LHCGR: variants seen among roughly 807,000 people sequenced by gnomAD.
The protein encoded by LHCGR is lutropin-choriogonadotropic hormone receptor.
LHCGR carries 55 observed loss-of-function variants against 60.7 expected under a neutral mutation model. That is an observed-to-expected ratio of 0.91 (90% confidence interval 0.73 to 1.13). The LOEUF (loss-of-function observed/expected upper bound fraction) is 1.13, where lower values mean the gene tolerates loss of function less well. Among genes scored for constraint, LHCGR ranks in the 50% most tolerant of loss-of-function variants. The probability of loss-of-function intolerance (pLI) is 0.00; values close to 1 mark genes in which losing one functional copy is unlikely to be tolerated. For missense variants in LHCGR, 862 were observed against 836.0 expected, an observed-to-expected ratio of 1.03 and a Z score of -0.38; for synonymous variants, 337 against 316.5, an observed-to-expected ratio of 1.06 and a Z score of -0.69.
Position 48,709,028 on chromosome 2 carries a change from G to C in LHCGR, c.606-6C>G. 2 of 1,612,952 alleles carry C rather than the reference G, an allele frequency of 1.2e-6. No homozygotes were observed. The highest frequency in any genetic ancestry group is 2.2e-5 in the South Asian group (2 of 91,058). ...GTACGTTTTCCTTTAGCTCCCTGTG[G>C]GGAAGGATATTGCCCTTAGTGGAGT... On this transcript the variant is annotated splice_region_variant and splice_polypyrimidine_tract_variant and intron_variant, in intron 7 of 10. Transcript: ENST00000294954.
chr2:48,725,863 A>T, intron 3 of LHCGR, 113 bp from the exon 4 acceptor site: 23 of 825,996 alleles, frequency 2.8e-5, no homozygotes, highest in Admixed American at 5.4e-5. Flanking sequence ...CAGCAAAAGC[A>T]GGCGACCTTC....
intron 8 of LHCGR, among the ~76,000 whole-genome samples, chr2:48,706,798 T>C (rs1667704511): frequency 6.6e-6 from 1 of 152,200 alleles, no homozygotes; most frequent in African/African-American, 2.4e-5. Context: ...CCTAACCTTT[T>C]TTCATGGTTT....
Position 48,723,713 on chromosome 2 carries a change from G to C in LHCGR, c.384-17C>G. The stretch of plus-strand genomic sequence containing the variant: ...CAGATGCTCCTGTGATTAGGGACAG[G>C]ATAGTGGTGTGGGCAGAGAGTGGGT... On this transcript the variant is annotated splice_polypyrimidine_tract_variant and intron_variant, in intron 4 of 10. Coordinates refer to ENST00000294954, the MANE Select transcript of LHCGR (RefSeq NM_000233.4). 1.3e-6 allele frequency: 2 copies of C among 1,593,072 alleles called. No homozygotes were observed. Among genetic ancestry groups the C allele is most frequent in the Non-Finnish European group, 1.7e-6 (2 of 1,160,922 alleles).
chr2:48,706,159 A>AG (rs1475302531), intron 8 of LHCGR, among the ~76,000 whole-genome samples: 2 of 152,152 alleles, frequency 1.3e-5, no homozygotes, highest in African/African-American at 4.8e-5. Flanking sequence ...AAGAAGCTTA[A>AG]TTTGGCTGGA....
intron 1 of LHCGR, 97 bp from the exon 2 acceptor site, chr2:48,731,395 CAG>C (rs1409639009): frequency 2.6e-6 from 2 of 773,838 alleles, no homozygotes; most frequent in Non-Finnish European, 4.5e-6. Context: ...GTGTGAGAGA[CAG>C]AGACTTCAGA....
chr2:48,707,876 T>C (rs1352467394), intron 8 of LHCGR, among the ~76,000 whole-genome samples: 2 of 152,152 alleles, frequency 1.3e-5, no homozygotes, highest in East Asian at 3.9e-4. Flanking sequence ...GTGAAGACCA[T>C]GGGAAAAGCA....
intron 9 of LHCGR, among the ~76,000 whole-genome samples, chr2:48,695,978 T>TCATATTTTA (rs2104385319): frequency 6.6e-6 from 1 of 152,072 alleles, no homozygotes; most frequent in South Asian, 2.1e-4. Context: ...TGTAACAAAC[T>TCATATTTTA]GGTACATGTA....
At chr2:48,696,853 G>C (rs1667139262) in intron 9 of LHCGR, among the ~76,000 whole-genome samples, 1 of 152,176 alleles carries the variant, frequency 6.6e-6, no homozygotes, top group South Asian at 2.1e-4. Context: ...GAAGGGGTGT[G>C]ATTTCTTTGC....
Position 48,729,308 on chromosome 2 carries a change from G to C in LHCGR, c.234-81C>G, listed in dbSNP as rs1037051055. On this transcript the variant is annotated intron_variant, in intron 2 of 10. Transcript: ENST00000294954. Reference sequence around the variant, plus strand: ...CTGCATGATTATGAGCTATGTGTGTGACCCAACAACTGGGGACACCACTGT... The same window carrying C: ...CTGCATGATTATGAGCTATGTGTGTCACCCAACAACTGGGGACACCACTGT... The C allele has an allele frequency of 1.7e-5, 18 of 1,087,140 alleles. No homozygotes were observed. The African/African-American group carries it at 2.0e-4, about 12-fold the overall frequency. 67.3% of individuals were successfully genotyped at this position (1,087,140 alleles called of 1,614,324 possible). A position where few individuals can be genotyped will look rare whatever the true frequency, so the allele number is the denominator to read the frequency against.
Position 48,688,564 on chromosome 2 carries a change from A to G in LHCGR, c.1233T>C (p.Tyr411=). The G allele has an allele frequency of 1.2e-6, 2 of 1,614,206 alleles. No individual in the cohort carries two copies. The highest frequency in any genetic ancestry group is 1.6e-4 in the Middle Eastern group (1 of 6,062). The change falls in exon 11 of 11, where the codon TAT becomes TAC. Residue 411 remains tyrosine, a synonymous_variant. Transcript: ENST00000294954. This position sits in a 1 kb window ranked among gnomAD's most constrained non-coding sequence, Gnocchi z 5.2. ...LSFADFCMGL[Y]LLLIASVDSQ... ...AATCAACTGAGGCTATGAGCAGCAGATAGAGCCCCATGCAAAAGTCTGCAA... is the reference window on the plus strand; with the variant it reads ...AATCAACTGAGGCTATGAGCAGCAGGTAGAGCCCCATGCAAAAGTCTGCAA...
At chr2:48,753,303 C>G (rs1243990952) in intron 1 of LHCGR, among the ~76,000 whole-genome samples, 1 of 152,220 alleles carries the variant, frequency 6.6e-6, no homozygotes, top group Non-Finnish European at 1.5e-5. Context: ...ACATGCACCT[C>G]TCTTGTCATA....
intron 6 of LHCGR, chr2:48,719,991 C>T (rs1395239031): frequency 6.6e-6 from 1 of 152,164 alleles, no homozygotes; most frequent in Non-Finnish European, 1.5e-5. Context: ...CTAATCACTC[C>T]CCTTCCAGAT....
At chr2:48,721,718 T>C (rs1445013135) in intron 6 of LHCGR, 2 of 471,092 alleles carry the variant, frequency 4.2e-6, no homozygotes, top group Non-Finnish European at 8.8e-6. Context: ...TTCCAATCCA[T>C]GTTTTCTCTT....
chr2:48,746,279 T>C lies in LHCGR; in HGVS notation c.161+9232A>G, dbSNP rs144463468. Among the ~76,000 whole-genome samples, 173 of 152,332 alleles carry C rather than the reference T, an allele frequency of 1.1e-3. 1 individual carries two copies. The highest frequency in any genetic ancestry group is 2.1e-3 in the Non-Finnish European group (142 of 68,018). On this transcript the variant is annotated intron_variant, in intron 1 of 10. Transcript: ENST00000294954. ...CATGGGTCAGTCACTTTTAAGTCTA[T>C]AGCATGCCTATGGCTTATTCCTAAA...
intron 1 of LHCGR, among the ~76,000 whole-genome samples, chr2:48,749,536 A>G (rs541145108): frequency 1.2e-4 from 18 of 152,220 alleles, no homozygotes; most frequent in African/African-American, 3.9e-4. Context: ...TAAGATCAGA[A>G]TTACACATGG....
rs1444349784 is a variant in LHCGR at position 48,688,040 on chromosome 2, G to T, written c.1757C>A (p.Ser586Tyr). ...GAAGGCAGCTGAGATGGCAAAAAAA[G>T]AGATAGGTGCCATGCAGGTGAAATC... ...FTDFTCMAPISFFAISAAFKV... is the reference protein window; with the variant it reads ...FTDFTCMAPIYFFAISAAFKV... The change falls in exon 11 of 11, where the codon TCT becomes TAT. Residue 586 changes from serine to tyrosine, a missense_variant. Physicochemically the swap from Ser to Tyr is moderately radical, Grantham distance 144. Coordinates refer to ENST00000294954, the MANE Select transcript of LHCGR (RefSeq NM_000233.4). The surrounding 1 kb of genome is among the most constrained non-coding windows in gnomAD (Gnocchi z 5.2). 1.9e-6 allele frequency: 3 copies of T among 1,614,142 alleles called. No homozygotes were observed. Among genetic ancestry groups the T allele is most frequent in the Non-Finnish European group, 2.5e-6 (3 of 1,179,980 alleles).
chr2:48,711,847 C>T (rs140906785), intron 7 of LHCGR, among the ~76,000 whole-genome samples: 9 of 152,304 alleles, frequency 5.9e-5, no homozygotes, highest in Non-Finnish European at 1.2e-4. Flanking sequence ...TCCAGCCTTC[C>T]GTCCTTCCTG....
In LHCGR at chr2:48,708,943, C is replaced by T. The variant is rs1368341553; in HGVS notation, c.680+5G>A. 2 of 1,613,000 alleles carry T rather than the reference C, an allele frequency of 1.2e-6. No homozygotes were observed. The highest frequency in any genetic ancestry group is 2.2e-5 in the South Asian group (2 of 91,060). On this transcript the variant is annotated splice_donor_5th_base_variant and intron_variant, in intron 8 of 10. Transcript: ENST00000294954. Reference sequence around the variant, plus strand: ...AGGGAGGGGAGGCAGCACCATTCTACTCACAAGGTTTTCGGCCCTGTGGCC... The same window carrying T: ...AGGGAGGGGAGGCAGCACCATTCTATTCACAAGGTTTTCGGCCCTGTGGCC...
intron 10 of LHCGR, among the ~76,000 whole-genome samples, chr2:48,690,664 C>G (rs1293794629): frequency 6.6e-6 from 1 of 152,212 alleles, no homozygotes; most frequent in Admixed American, 6.5e-5. Context: ...CCTCATCTCT[C>G]TGGTGAATTC....
Sources: allele counts gnomAD v4.1 joint callset (sites outside exome capture counted in the v4.1 genomes callset), GRCh38; gene constraint gnomAD v4.1.1; non-coding constraint Gnocchi (gnomAD v3.1); transcripts MANE v1.5; gene names NCBI Gene and HGNC (gene_info 2026-07-23, HGNC 2026-07-21).